SNTG1: variants seen among roughly 807,000 people sequenced by gnomAD.
The protein encoded by SNTG1 is gamma-1-syntrophin.
Under a neutral mutation model 74.7 loss-of-function variants are expected in SNTG1, and 39 were observed. That is an observed-to-expected ratio of 0.52 (90% confidence interval 0.40 to 0.68). The LOEUF is 0.68. SNTG1 is among the 30% of genes least tolerant of loss of function. The probability of loss-of-function intolerance (pLI) is 0.00; values close to 1 mark genes in which losing one functional copy is unlikely to be tolerated. For synonymous variants in SNTG1, 254 were observed against 217.1 expected (o/e 1.17, Z -1.49); for missense variants, 685 against 609.5 (o/e 1.12, Z -1.30).
chr8:50,626,906 AT>A (rs1347348794), intron 13 of SNTG1, among the ~76,000 whole-genome samples: 3 of 152,028 alleles, frequency 2.0e-5, no homozygotes, highest in Non-Finnish European at 4.4e-5. Context: ...GTTATTATTT[AT>A]GTTTTATCTT....
intron 13 of SNTG1, among the ~76,000 whole-genome samples, chr8:50,637,526 T>C (rs2095046773): frequency 6.6e-6 from 1 of 152,124 alleles, no homozygotes; most frequent in Non-Finnish European, 1.5e-5. Context: ...GGCACATGAA[T>C]TTTGGAAACA....
intron 2 of SNTG1, among the ~76,000 whole-genome samples, chr8:50,279,919 T>C (rs1157465794): frequency 6.6e-6 from 1 of 152,212 alleles, no homozygotes; most frequent in Non-Finnish European, 1.5e-5. Context: ...GATGTAGTCA[T>C]CCTTCTCTTC....
chr8:50,498,591 G>T (rs770623215), intron 8 of SNTG1, among the ~76,000 whole-genome samples: 4 of 151,878 alleles, frequency 2.6e-5, no homozygotes, highest in Admixed American at 1.3e-4. Context: ...GTTCAATTTT[G>T]ATTACTCCCA....
intron 18 of SNTG1, among the ~76,000 whole-genome samples, chr8:50,783,833 CA>C (rs2131843350): frequency 6.6e-6 from 1 of 152,306 alleles, no homozygotes; most frequent in Admixed American, 6.5e-5. Flanking sequence ...CCTATTTGGC[CA>C]TCTTGGCTCC....
intron 11 of SNTG1, among the ~76,000 whole-genome samples, chr8:50,549,688 T>A (rs940637485): frequency 1.3e-5 from 2 of 152,154 alleles, no homozygotes; most frequent in Admixed American, 1.3e-4. Flanking sequence ...CTTCTTCAGA[T>A]CCACACACAA....
intron 1 of SNTG1, among the ~76,000 whole-genome samples, chr8:50,016,634 C>G (rs10088096): frequency 0.95 from 145,035 of 152,248 alleles, 69,163 homozygotes; most frequent in East Asian, 1. Context: ...AGTTGTCTCT[C>G]CTGATTTATA....
intron 13 of SNTG1, among the ~76,000 whole-genome samples, chr8:50,595,669 T>C (rs984249560): frequency 5.3e-5 from 8 of 152,054 alleles, no homozygotes; most frequent in African/African-American, 7.2e-5. Context: ...GGAACAAATG[T>C]AGCAAAATTG....
intron 2 of SNTG1, among the ~76,000 whole-genome samples, chr8:50,297,250 A>G (rs2130626986): frequency 6.6e-6 from 1 of 152,282 alleles, no homozygotes; most frequent in Middle Eastern, 3.4e-3. Context: ...AATCCCAAAT[A>G]TGTTATGATT....
chr8:50,096,292 A>T (rs1265142912), intron 1 of SNTG1, among the ~76,000 whole-genome samples: 1 of 152,324 alleles, frequency 6.6e-6, no homozygotes, highest in South Asian at 2.1e-4. Flanking sequence ...GGAAGAGTTC[A>T]GCACTTTTTA....
intron 13 of SNTG1, among the ~76,000 whole-genome samples, chr8:50,651,646 G>A (rs934346714): frequency 6.6e-5 from 10 of 151,642 alleles, no homozygotes; most frequent in Non-Finnish European, 1.5e-4. Flanking sequence ...TAGTAGAGAC[G>A]GGATTTCTCC....
intron 1 of SNTG1, among the ~76,000 whole-genome samples, chr8:50,011,174 C>A (rs1410549148): frequency 1.3e-5 from 2 of 152,086 alleles, no homozygotes; most frequent in Admixed American, 6.6e-5. Context: ...ATTGAGAAAT[C>A]TTTTAAAGAA....
At chr8:50,077,229 T>G (rs1821974505) in intron 1 of SNTG1, among the ~76,000 whole-genome samples, 1 of 152,176 alleles carries the variant, frequency 6.6e-6, no homozygotes, top group Non-Finnish European at 1.5e-5. Flanking sequence ...ATTCTTACAT[T>G]TTTTCTTTAT....
intron 12 of SNTG1, among the ~76,000 whole-genome samples, chr8:50,562,783 T>G (rs2094495691): frequency 6.6e-6 from 1 of 152,200 alleles, no homozygotes; most frequent in Non-Finnish European, 1.5e-5. Flanking sequence ...AACCATAAAA[T>G]GTACTTGCAT....
intron 1 of SNTG1, among the ~76,000 whole-genome samples, chr8:50,147,612 C>T (rs1301997043): frequency 6.6e-6 from 1 of 152,130 alleles, no homozygotes; most frequent in East Asian, 1.9e-4. Flanking sequence ...ATTGATTCAG[C>T]ATTTTTTCTG....
At chr8:49,958,450 C>T (rs1810380135) in intron 1 of SNTG1, among the ~76,000 whole-genome samples, 1 of 150,518 alleles carries the variant, frequency 6.6e-6, no homozygotes. Flanking sequence ...TGGAGACAGT[C>T]TCGCTCTGTA....
intron 1 of SNTG1, among the ~76,000 whole-genome samples, chr8:50,145,016 G>T (rs907427182): frequency 6.6e-6 from 1 of 152,222 alleles, no homozygotes; most frequent in Admixed American, 6.5e-5. Flanking sequence ...AAAAGGAGAT[G>T]AGAAGGAACA....
intron 17 of SNTG1, among the ~76,000 whole-genome samples, chr8:50,740,369 A>T (rs1270839937): frequency 1.3e-5 from 2 of 151,938 alleles, no homozygotes; most frequent in African/African-American, 2.4e-5. Context: ...ATATGAAAAA[A>T]AAAAAAACCT....
intron 4 of SNTG1, among the ~76,000 whole-genome samples, chr8:50,422,591 G>T (rs1030949832): frequency 7.4e-5 from 9 of 122,310 alleles, no homozygotes; most frequent in African/African-American, 2.7e-4. Flanking sequence ...AAAGCTCATA[G>T]GTTAGGAGTT....
At chr8:50,133,581 C>A (rs907107166) in intron 1 of SNTG1, among the ~76,000 whole-genome samples, 1 of 152,064 alleles carries the variant, frequency 6.6e-6, no homozygotes. Flanking sequence ...ATAGCCATGC[C>A]CCCTCTGACA....
Sources: allele counts gnomAD v4.1 joint callset (sites outside exome capture counted in the v4.1 genomes callset), GRCh38; gene constraint gnomAD v4.1.1; transcripts MANE v1.5; gene names NCBI Gene and HGNC (gene_info 2026-07-23, HGNC 2026-07-21).